UGT1A9: variants seen among roughly 807,000 people sequenced by gnomAD.
The protein encoded by UGT1A9 is UDP glucuronosyltransferase family 1 member A9, also known as UDP-glucuronosyltransferase 1A9.
In UGT1A9, 35 loss-of-function variants were observed where a neutral mutation model predicts 45.0. The observed-to-expected ratio is 0.78, with a 90% confidence interval of 0.59 to 1.03. The LOEUF is 1.03. Ranked by LOEUF, UGT1A9 falls within the 50% of genes least tolerant of loss-of-function variation. The pLI, the probability that UGT1A9 is intolerant of heterozygous loss-of-function variation, is 0.00. For synonymous variants in UGT1A9, 278 were observed against 250.6 expected, an observed-to-expected ratio of 1.11 and a Z score of -1.03; for missense variants, 687 against 666.6, an observed-to-expected ratio of 1.03 and a Z score of -0.34.
intron 1 of UGT1A9, among the ~76,000 whole-genome samples, chr2:233,706,749 AGT>A (rs2075921847): frequency 2.0e-5 from 3 of 152,182 alleles, no homozygotes. Context: ...TGTGAAGCAG[AGT>A]GCCGTACACT....
intron 1 of UGT1A9, among the ~76,000 whole-genome samples, chr2:233,745,945 G>C (rs1693257711): frequency 6.6e-6 from 1 of 151,628 alleles, no homozygotes; most frequent in Non-Finnish European, 1.5e-5. Context: ...CTGGGGGTTG[G>C]GCAACTGGGG....
At chr2:233,746,121 A>T (rs1693307718) in intron 1 of UGT1A9, among the ~76,000 whole-genome samples, 1 of 151,800 alleles carries the variant, frequency 6.6e-6, no homozygotes, top group Non-Finnish European at 1.5e-5. Context: ...TGTCTGCAAA[A>T]CTGTGGACTG....
At chr2:233,747,182 T>C (rs1414882979) in intron 1 of UGT1A9, 87 of 1,602,200 alleles carry the variant, frequency 5.4e-5, no homozygotes, top group South Asian at 4.3e-4. Flanking sequence ...CAGCGTGGGG[T>C]GGACAGTCAG....
chr2:233,734,934 T>A (rs2078587664), intron 1 of UGT1A9, among the ~76,000 whole-genome samples: 1 of 152,172 alleles, frequency 6.6e-6, no homozygotes, highest in Admixed American at 6.6e-5. Flanking sequence ...TTACTTACAA[T>A]CATATGGTCA....
At chr2:233,683,295 C>G (rs1372789673) in intron 1 of UGT1A9, among the ~76,000 whole-genome samples, 1 of 151,998 alleles carries the variant, frequency 6.6e-6, no homozygotes, top group African/African-American at 2.4e-5. Flanking sequence ...GATATCTTTA[C>G]AGGTCAATGC....
intron 1 of UGT1A9, chr2:233,761,099 A>G: frequency 5.0e-6 from 8 of 1,614,170 alleles, no homozygotes; most frequent in African/African-American, 1.3e-5. Context: ...ATCATGCCCA[A>G]TATGGTTTTT....
rs527503361 is a variant in UGT1A9 at position 233,743,746 on chromosome 2, C to T, written c.856-23288C>T. ...CATAGATATCGCGTTTCTTGGCGTC[C>T]GACAACACCTCGTAGGCCTCGGCCA... On this transcript the variant is annotated intron_variant, in intron 1 of 4. Coordinates refer to ENST00000354728, the MANE Select transcript of UGT1A9 (RefSeq NM_021027.3). The T allele has an allele frequency of 1.3e-5, 18 of 1,367,364 alleles. 1 individual carries two copies. The highest frequency in any genetic ancestry group is 1.0e-4 in the African/African-American group (7 of 67,556). 84.7% of individuals were successfully genotyped at this position (1,367,364 alleles called of 1,614,324 possible).
At chr2:233,692,430 T>G in intron 1 of UGT1A9, 1 of 155,338 alleles carries the variant, frequency 6.4e-6, no homozygotes, top group Non-Finnish European at 1.4e-5. Flanking sequence ...CAGACAGAAG[T>G]TGTGGGTAAC....
intron 1 of UGT1A9, 114 bp from the exon 2 acceptor site, chr2:233,766,920 A>C (rs1699278586): frequency 8.4e-6 from 13 of 1,554,452 alleles, no homozygotes. Context: ...TATCTCAAAC[A>C]CGCATGCCTT....
intron 1 of UGT1A9, chr2:233,682,900 T>C: frequency 6.6e-7 from 1 of 1,504,798 alleles, no homozygotes; most frequent in Non-Finnish European, 8.8e-7. Flanking sequence ...TTGGAATTTC[T>C]TTCTGGTTTA....
intron 1 of UGT1A9, among the ~76,000 whole-genome samples, chr2:233,694,884 G>A (rs1016434056): frequency 2.2e-4 from 33 of 152,200 alleles, no homozygotes; most frequent in African/African-American, 8.0e-4. Flanking sequence ...CATTTGGGGG[G>A]TTCATGTGAT....
chr2:233,699,261 T>C (rs1175214024), intron 1 of UGT1A9, among the ~76,000 whole-genome samples: 4 of 152,162 alleles, frequency 2.6e-5, no homozygotes, highest in Non-Finnish European at 2.9e-5. Context: ...CCTCTTCCTA[T>C]AGGGGCTTGA....
chr2:233,719,540 G>C (rs1488835292), intron 1 of UGT1A9: 11 of 1,613,770 alleles, frequency 6.8e-6, no homozygotes, highest in Non-Finnish European at 8.5e-6. Context: ...AGCTTTTTCA[G>C]AGAGAGGTGT....
rs376887521 is a variant in UGT1A9, at chr2:233,757,535, A to AATATATATACATATACAT, written c.856-9490_856-9489insCATATACATATATATATA. On this transcript the variant is annotated intron_variant, in intron 1 of 4. Transcript: ENST00000354728. ...CAAAGCCAAAATCTTGCCTGTAAGG[A>AATATATATACATATACAT]ATATATATATATATATATATATATA... 8.8e-4 allele frequency among the ~76,000 whole-genome samples: 78 copies of AATATATATACATATACAT among 88,252 alleles called. 1 individual carries two copies. The highest frequency in any genetic ancestry group is 1.7e-3 in the African/African-American group (33 of 19,924). 57.9% of individuals were successfully genotyped at this position (88,252 alleles called of 152,430 possible). A position where few individuals can be genotyped will look rare whatever the true frequency, so the allele number is the denominator to read the frequency against.
intron 1 of UGT1A9, among the ~76,000 whole-genome samples, chr2:233,744,897 C>T (rs1246744781): frequency 6.6e-6 from 1 of 151,970 alleles, no homozygotes; most frequent in East Asian, 1.9e-4. Context: ...CCTCTCCATA[C>T]CAAAATCTAG....
intron 1 of UGT1A9, among the ~76,000 whole-genome samples, chr2:233,686,913 G>C (rs2074811848): frequency 6.6e-6 from 1 of 152,180 alleles, no homozygotes; most frequent in South Asian, 2.1e-4. Flanking sequence ...CAACAAGAAA[G>C]GGCATCCCAC....
intron 1 of UGT1A9, among the ~76,000 whole-genome samples, chr2:233,726,454 A>C (rs1306425444): frequency 2.6e-5 from 4 of 152,216 alleles, no homozygotes; most frequent in African/African-American, 9.6e-5. Context: ...CACTGAATGT[A>C]AGCTCATTTC....
rs1700550543 is a variant in UGT1A9, at chr2:233,772,835, G to A, written c.*276G>A. ...GACGTGCAGACAGGCTGGCATTCTA[G>A]ATTACTTTTCTTACTCTGAAACATG... On this transcript the variant is annotated 3_prime_UTR_variant, in exon 5 of 5. Transcript: ENST00000354728. 1.1e-6 allele frequency: 1 copy of A among 887,832 alleles called. No individual in the cohort carries two copies. Among genetic ancestry groups the A allele is most frequent in the Non-Finnish European group, 1.6e-6 (1 of 638,112 alleles). The allele number at this position is 887,832 out of a possible 1,614,324, so 55.0% of individuals were successfully genotyped here. A position where few individuals can be genotyped will look rare whatever the true frequency, so the allele number is the denominator to read the frequency against.
At position 233,772,771 on chromosome 2, in the gene UGT1A9, G is replaced by A. The variant is rs989549467; in HGVS notation, c.*212G>A. 1 of 1,323,730 alleles carries A rather than the reference G, an allele frequency of 7.6e-7. No individual in the cohort carries two copies. The highest frequency in any genetic ancestry group is 1.5e-5 in the African/African-American group (1 of 67,390). The allele number at this position is 1,323,730 out of a possible 1,614,324, so 82.0% of individuals were successfully genotyped here. On this transcript the variant is annotated 3_prime_UTR_variant, in exon 5 of 5. Coordinates refer to ENST00000354728, the MANE Select transcript of UGT1A9 (RefSeq NM_021027.3). ...TTTGAATATGTATCGTGCCCCCTCTGGTGTCTTTGATCAGGATGACATGTG... is the reference window on the plus strand; with the variant it reads ...TTTGAATATGTATCGTGCCCCCTCTAGTGTCTTTGATCAGGATGACATGTG...
Sources: allele counts gnomAD v4.1 joint callset (sites outside exome capture counted in the v4.1 genomes callset), GRCh38; gene constraint gnomAD v4.1.1; transcripts MANE v1.5; gene names NCBI Gene and HGNC (gene_info 2026-07-23, HGNC 2026-07-21).